Variants in ATP8A2 observed in about 807,000 individuals in gnomAD.
ATP8A2 encodes ATPase phospholipid transporting 8A2.
Under a neutral mutation model 165.6 loss-of-function variants are expected in ATP8A2, and 100 were observed. That is an observed-to-expected ratio of 0.60 (90% confidence interval 0.51 to 0.71). The LOEUF is 0.71. Among genes scored for constraint, ATP8A2 ranks in the 30% least tolerant of loss-of-function variants. The probability of loss-of-function intolerance (pLI) is 0.00; values close to 1 mark genes in which losing one functional copy is unlikely to be tolerated. For synonymous variants in ATP8A2, 543 were observed against 548.8 expected, an observed-to-expected ratio of 0.99 and a Z score of 0.15; for missense variants, 1,227 against 1,479.5, an observed-to-expected ratio of 0.83 and a Z score of 2.80.
At chr13:25,641,159 G>A (rs1212780985) in intron 24 of ATP8A2, among the ~76,000 whole-genome samples, 2 of 152,144 alleles carry the variant, frequency 1.3e-5, no homozygotes, top group South Asian at 2.1e-4. Flanking sequence ...TACTGAATGG[G>A]CAAAAACTGG....
intron 21 of ATP8A2, among the ~76,000 whole-genome samples, chr13:25,579,596 T>A (rs1408026322): frequency 6.6e-6 from 1 of 152,164 alleles, no homozygotes; most frequent in Non-Finnish European, 1.5e-5. Flanking sequence ...TCTCGCGCAC[T>A]CTCAGCCTTA....
At chr13:25,437,915 T>C (rs2034824928) in intron 1 of ATP8A2, among the ~76,000 whole-genome samples, 1 of 152,228 alleles carries the variant, frequency 6.6e-6, no homozygotes, top group Admixed American at 6.5e-5. Context: ...CCAATTTGGA[T>C]ATAATACTAT....
chr13:25,373,232 T>C (rs1221472383), intron 1 of ATP8A2, among the ~76,000 whole-genome samples: 1 of 152,186 alleles, frequency 6.6e-6, no homozygotes, highest in East Asian at 1.9e-4. Flanking sequence ...AGTTTGGAGC[T>C]GGGGTCACTT....
chr13:25,779,879 C>G (rs947522641), intron 27 of ATP8A2, among the ~76,000 whole-genome samples: 1 of 152,210 alleles, frequency 6.6e-6, no homozygotes, highest in Admixed American at 6.5e-5. Flanking sequence ...TGACTGACCT[C>G]TGTGTGGTAT....
intron 20 of ATP8A2, among the ~76,000 whole-genome samples, chr13:25,577,549 T>C (rs540858275): frequency 6.6e-6 from 1 of 152,162 alleles, no homozygotes; most frequent in Non-Finnish European, 1.5e-5. Context: ...TATGTTTTTT[T>C]CTCATACATT....
chr13:25,928,816 C>T (rs1325670060), intron 33 of ATP8A2, among the ~76,000 whole-genome samples: 1 of 152,178 alleles, frequency 6.6e-6, no homozygotes, highest in Non-Finnish European at 1.5e-5. Flanking sequence ...TATTCTTCCA[C>T]AGTACAAGGT....
At chr13:25,971,887 G>T (rs1472275175) in intron 35 of ATP8A2, among the ~76,000 whole-genome samples, 1 of 152,078 alleles carries the variant, frequency 6.6e-6, no homozygotes, top group African/African-American at 2.4e-5. Flanking sequence ...TCCCTCTCCT[G>T]CCTTCCTGTG....
intron 25 of ATP8A2, among the ~76,000 whole-genome samples, chr13:25,718,441 C>T (rs768981811): frequency 4.6e-5 from 7 of 151,934 alleles, no homozygotes; most frequent in African/African-American, 9.7e-5. Flanking sequence ...TTCATTCTTA[C>T]GTGTGTATCA....
At chr13:25,639,888 A>G (rs905919009) in intron 24 of ATP8A2, among the ~76,000 whole-genome samples, 48 of 152,322 alleles carry the variant, frequency 3.2e-4, no homozygotes, top group Non-Finnish European at 5.9e-4. Flanking sequence ...AAGAACAGAA[A>G]TTATAACAAA....
chr13:25,911,079 C>T lies in ATP8A2; in HGVS notation c.3183+48671C>T, dbSNP rs1241876927. On this transcript the variant is annotated intron_variant, in intron 33 of 36. Coordinates refer to ENST00000381655, the MANE Select transcript of ATP8A2 (RefSeq NM_016529.6). ...CCCTGGTGGCTTCTTTAGAGCCAGC[C>T]CCTCCAAACAGCCCTGACACAATTG... Among the ~76,000 whole-genome samples the T allele has an allele frequency of 3.3e-5, 5 of 151,266 alleles. No individual in the cohort carries two copies. In the South Asian group the frequency reaches 6.2e-4, roughly 19 times the overall value.
chr13:25,538,083 CT>C (rs755980986), intron 7 of ATP8A2, 22 bp downstream of exon 7: 8 of 1,593,630 alleles, frequency 5.0e-6, no homozygotes, highest in Non-Finnish European at 6.9e-6. Context: ...TAGTAGGCAC[CT>C]TTTTTGCAAT....
chr13:25,897,052 A>G (rs1261651527), intron 33 of ATP8A2, among the ~76,000 whole-genome samples: 5 of 152,144 alleles, frequency 3.3e-5, no homozygotes, highest in Non-Finnish European at 7.4e-5. Context: ...TAGTATTGTT[A>G]TGTGTGAATT....
intron 24 of ATP8A2, among the ~76,000 whole-genome samples, chr13:25,603,101 G>T (rs2040430119): frequency 6.6e-6 from 1 of 152,012 alleles, no homozygotes; most frequent in Admixed American, 6.6e-5. Context: ...AAGGGTATCT[G>T]TTCTTCTTTG....
intron 1 of ATP8A2, among the ~76,000 whole-genome samples, chr13:25,404,169 G>A (rs2138031204): frequency 6.6e-6 from 1 of 152,282 alleles, no homozygotes; most frequent in East Asian, 1.9e-4. Context: ...AGACTCAGAG[G>A]CCAGAGCAGG....
intron 1 of ATP8A2, among the ~76,000 whole-genome samples, chr13:25,453,659 A>G (rs2035287535): frequency 1.3e-5 from 2 of 152,236 alleles, no homozygotes; most frequent in African/African-American, 4.8e-5. Flanking sequence ...TATTAGAAAC[A>G]AATGTAAACT....
chr13:25,839,309 T>C (rs1462325455), intron 29 of ATP8A2, among the ~76,000 whole-genome samples: 1 of 152,192 alleles, frequency 6.6e-6, no homozygotes, highest in African/African-American at 2.4e-5. Context: ...TGTGAGTAGA[T>C]ATTTAGGTCT....
At chr13:25,996,706 C>T (rs527903391) in intron 35 of ATP8A2, among the ~76,000 whole-genome samples, 24 of 151,446 alleles carry the variant, frequency 1.6e-4, no homozygotes, top group East Asian at 3.9e-4. Context: ...TTTTTTGAGA[C>T]GGAGTCTCAC....
At chr13:25,540,078 AG>A (rs886139609) in intron 7 of ATP8A2, among the ~76,000 whole-genome samples, 1 of 152,144 alleles carries the variant, frequency 6.6e-6, no homozygotes. Flanking sequence ...GAGGCTCAGC[AG>A]TCATTATGTG....
intron 2 of ATP8A2, among the ~76,000 whole-genome samples, chr13:25,491,974 GAATA>G (rs1488988308): frequency 2.0e-5 from 3 of 152,160 alleles, no homozygotes; most frequent in Non-Finnish European, 4.4e-5. Context: ...AAAAACCATT[GAATA>G]AATACTTGTG....
Sources: allele counts gnomAD v4.1 joint callset (sites outside exome capture counted in the v4.1 genomes callset), GRCh38; gene constraint gnomAD v4.1.1; transcripts MANE v1.5; gene names NCBI Gene and HGNC (gene_info 2026-07-23, HGNC 2026-07-21).